Variants in MYOM2 observed in about 807,000 individuals in gnomAD.
MYOM2 encodes myomesin-2.
A neutral mutation model predicts 187.6 loss-of-function variants in MYOM2; 254 were observed. That is an observed-to-expected ratio of 1.35 (90% CI 1.22 to 1.50). The LOEUF (loss-of-function observed/expected upper bound fraction) is 1.50, where lower values mean the gene tolerates loss of function less well. Among genes scored for constraint, MYOM2 ranks in the 40% most tolerant of loss-of-function variants. The pLI is 0.00. For synonymous variants in MYOM2, 981 were observed against 753.8 expected (o/e 1.30, Z -4.94); for missense variants, 2,796 against 1,924.0 (o/e 1.45, Z -8.48).
chr8:2,077,585 C>T (rs188208698), intron 11 of MYOM2, among the ~76,000 whole-genome samples: 48 of 152,192 alleles, frequency 3.2e-4, no homozygotes, highest in Non-Finnish European at 6.0e-4. Context: ...AGTGCTGTTC[C>T]GGGCTTACCT....
Position 2,140,844 on chromosome 8 carries a change from G to A in MYOM2, c.3922G>A (p.Gly1308Ser), listed in dbSNP as rs1335581848. The A allele has an allele frequency of 6.2e-7, 1 of 1,614,070 alleles. No homozygotes were observed. The highest frequency in any genetic ancestry group is 1.1e-5 in the South Asian group (1 of 91,070). The part of the protein sequence containing the change: ...KGKYTFEIFD[G>S]KDNHQRSLDL... Reference sequence around the variant, plus strand: ...AAAATACACTTTTGAGATTTTCGATGGCAAAGACAACCATCAACGCTCCCT... The same window carrying A: ...AAAATACACTTTTGAGATTTTCGATAGCAAAGACAACCATCAACGCTCCCT... The change falls in exon 33 of 37, where the codon GGC (glycine) becomes AGC (serine). Residue 1308 changes from glycine (G) to serine (S), a missense_variant. Coordinates refer to ENST00000262113, the MANE Select transcript of MYOM2 (RefSeq NM_003970.4).
intron 34 of MYOM2, among the ~76,000 whole-genome samples, chr8:2,141,452 C>A (rs190952352): frequency 6.6e-6 from 1 of 152,202 alleles, no homozygotes; most frequent in Admixed American, 6.5e-5. Context: ...AAAAGAAACA[C>A]GCAAAGCAGA....
intron 25 of MYOM2, among the ~76,000 whole-genome samples, chr8:2,110,390 T>G (rs1797029260): frequency 6.6e-6 from 1 of 152,206 alleles, no homozygotes; most frequent in Non-Finnish European, 1.5e-5. Flanking sequence ...TGCTTTCGAT[T>G]GTATAAAATG....
intron 25 of MYOM2, among the ~76,000 whole-genome samples, chr8:2,112,204 G>A (rs1314542463): frequency 6.6e-6 from 1 of 152,116 alleles, no homozygotes; most frequent in Non-Finnish European, 1.5e-5. Flanking sequence ...GACTGTCACG[G>A]AGTCAAAGAA....
At chr8:2,065,114 A>G (rs3779857) in intron 6 of MYOM2, among the ~76,000 whole-genome samples, 89,464 of 152,134 alleles carry the variant, frequency 0.59, 26,825 homozygotes, top group East Asian at 0.8. Flanking sequence ...TTTAATCATC[A>G]AAGTCACCCT....
chr8:2,114,627 A>G (rs1337271119), intron 25 of MYOM2, among the ~76,000 whole-genome samples: 1 of 151,928 alleles, frequency 6.6e-6, no homozygotes, highest in Non-Finnish European at 1.5e-5. Flanking sequence ...GCGCCACCAC[A>G]CCTGGCTAAT....
chr8:2,081,475 C>G (rs185262263), intron 13 of MYOM2, among the ~76,000 whole-genome samples: 26 of 152,332 alleles, frequency 1.7e-4, no homozygotes, highest in East Asian at 1.5e-3. Context: ...TCACTCCTCA[C>G]GAGCAGACAG....
At chr8:2,129,642 A>G (rs898227003) in intron 32 of MYOM2, among the ~76,000 whole-genome samples, 51 of 152,212 alleles carry the variant, frequency 3.4e-4, no homozygotes, top group Non-Finnish European at 6.0e-4. Flanking sequence ...CCCAATCATT[A>G]AAATTAAAAA....
intron 31 of MYOM2, among the ~76,000 whole-genome samples, chr8:2,125,083 TA>T (rs1466780673): frequency 6.6e-6 from 1 of 152,210 alleles, no homozygotes; most frequent in Non-Finnish European, 1.5e-5. Context: ...AGAAGCTTTT[TA>T]GTTTTGTGCA....
intron 19 of MYOM2, 104 bp downstream of exon 19, chr8:2,099,087 G>C (rs755807012): frequency 1.4e-6 from 2 of 1,399,856 alleles, no homozygotes; most frequent in Non-Finnish European, 1.9e-6. Flanking sequence ...CAGCGTGTCT[G>C]TTCCTCCGAC....
intron 34 of MYOM2, 47 bp from the exon 35 acceptor site, chr8:2,142,328 T>G: frequency 1.3e-6 from 2 of 1,595,936 alleles, no homozygotes; most frequent in Non-Finnish European, 1.7e-6. Flanking sequence ...AAGCATTTTC[T>G]CATACTCTCT....
intron 27 of MYOM2, 97 bp downstream of exon 27, chr8:2,116,372 A>G: frequency 8.4e-7 from 1 of 1,194,708 alleles, no homozygotes; most frequent in Non-Finnish European, 1.2e-6. Context: ...ATCCCAAGCA[A>G]CCCTAAAGGC....
intron 11 of MYOM2, among the ~76,000 whole-genome samples, chr8:2,077,581 G>A (rs1423255903): frequency 6.6e-6 from 1 of 152,100 alleles, no homozygotes; most frequent in Non-Finnish European, 1.5e-5. Flanking sequence ...AGGGAGTGCT[G>A]TTCCGGGCTT....
rs191650766 is a variant in MYOM2, at chr8:2,088,462, C to T, written c.1645-1546C>T. On this transcript the variant is annotated intron_variant, in intron 14 of 36. Coordinates refer to ENST00000262113, the MANE Select transcript of MYOM2 (RefSeq NM_003970.4). ...GGTAGGCCTCAGTGTCTATCGTTGC[C>T]ATCTTCGTGTGCGTGTGTACCCAGT... Among the ~76,000 whole-genome samples the T allele has an allele frequency of 3.3e-5, 5 of 152,280 alleles. No homozygotes were observed. The East Asian group carries it at 9.7e-4, about 29-fold the overall frequency.
intron 6 of MYOM2, among the ~76,000 whole-genome samples, chr8:2,068,874 C>T (rs551370682): frequency 6.6e-6 from 1 of 152,366 alleles, no homozygotes; most frequent in East Asian, 1.9e-4. Flanking sequence ...GGCTCTGTAT[C>T]ATCCCATCAC....
At chr8:2,097,962 C>G (rs796604531) in intron 18 of MYOM2, 7 of 125,580 alleles carry the variant, frequency 5.6e-5, no homozygotes, top group African/African-American at 1.9e-4. Context: ...CCTCCCCGAC[C>G]CGGCACCCGC....
At chr8:2,055,603 C>T (rs1318312595) in intron 3 of MYOM2, among the ~76,000 whole-genome samples, 1 of 152,142 alleles carries the variant, frequency 6.6e-6, no homozygotes, top group Non-Finnish European at 1.5e-5. Context: ...AGGGTTCCTC[C>T]CACCTCATTT....
intron 21 of MYOM2, among the ~76,000 whole-genome samples, chr8:2,104,936 G>C (rs1349096233): frequency 6.6e-6 from 1 of 152,114 alleles, no homozygotes; most frequent in Non-Finnish European, 1.5e-5. Context: ...CTTTTAAAAA[G>C]AATTTTTATT....
intron 32 of MYOM2, among the ~76,000 whole-genome samples, chr8:2,132,957 A>C (rs34760293): frequency 0.14 from 21,000 of 151,790 alleles, 2,639 homozygotes; most frequent in African/African-American, 0.31. Context: ...GGCCATGTCT[A>C]CAGTGGGAAG....
Sources: gnomAD v4.1 joint callset for allele counts (sites outside exome capture counted in the v4.1 genomes callset) on GRCh38, gnomAD v4.1.1 for gene constraint, MANE v1.5 for transcripts, NCBI Gene and HGNC (gene_info 2026-07-23, HGNC 2026-07-21) for gene names.